NRBF2: variants seen among roughly 807,000 people sequenced by gnomAD.
NRBF2 encodes nuclear receptor-binding factor 2.
A neutral mutation model predicts 28.5 loss-of-function variants in NRBF2; 12 were observed. The ratio of observed to expected loss-of-function variants is 0.42; its 90% CI spans 0.27 to 0.68. The LOEUF is 0.68. Among genes scored for constraint, NRBF2 ranks in the 30% least tolerant of loss-of-function variants. The pLI, the probability that NRBF2 is intolerant of heterozygous loss-of-function variation, is 0.24. For missense variants in NRBF2, 274 were observed against 333.5 expected, an observed-to-expected ratio of 0.82 and a Z score of 1.39; for synonymous variants, 102 against 116.5, an observed-to-expected ratio of 0.88 and a Z score of 0.80.
Position 63,153,984 on chromosome 10 carries a change from A to G in NRBF2, c.630A>G (p.Pro210=). 1 of 1,611,744 alleles carries G rather than the reference A, an allele frequency of 6.2e-7. No individual in the cohort carries two copies. The highest frequency in any genetic ancestry group is 8.5e-7 in the Non-Finnish European group (1 of 1,179,754). Reference sequence around the variant, plus strand: ...AAAAGGCCAGACTTCTAAAAGGTCCAATAGAAAAGGAGCTGGATGTAGATG... The same window carrying G: ...AAAAGGCCAGACTTCTAAAAGGTCCGATAGAAAAGGAGCTGGATGTAGATG... ...KAEKARLLKG[P]IEKELDVDAD... Residue 210 remains proline, a synonymous_variant, in exon 4 of 4, where the codon CCA becomes CCG. Transcript: ENST00000277746.
intron 1 of NRBF2, among the ~76,000 whole-genome samples, chr10:63,133,977 T>TTCCCCCTCCTCACCCTC (rs1841333723): frequency 1.2e-4 from 9 of 72,234 alleles, no homozygotes; most frequent in Non-Finnish European, 1.6e-4. Context: ...TCCTCACCCT[T>TTCCCCCTCCTCACCCTC]CACTTCCCCC....
intron 1 of NRBF2, among the ~76,000 whole-genome samples, chr10:63,135,156 C>A (rs1427227757): frequency 6.6e-6 from 1 of 152,188 alleles, no homozygotes; most frequent in African/African-American, 2.4e-5. Flanking sequence ...CACTGCACTC[C>A]AACCTGGGCG....
chr10:63,145,265 G>A (rs1263711934), intron 1 of NRBF2, among the ~76,000 whole-genome samples: 5 of 152,020 alleles, frequency 3.3e-5, no homozygotes, highest in Admixed American at 1.3e-4. Context: ...CCGCAGAGAC[G>A]GTGTTTCACC....
At chr10:63,140,554 C>T (rs1387275439) in intron 1 of NRBF2, among the ~76,000 whole-genome samples, 2 of 152,040 alleles carry the variant, frequency 1.3e-5, no homozygotes, top group African/African-American at 2.4e-5. Context: ...GCTGGGACTA[C>T]AGGTGTGCAC....
At chr10:63,148,627 A>G (rs1841600269) in intron 2 of NRBF2, among the ~76,000 whole-genome samples, 1 of 152,168 alleles carries the variant, frequency 6.6e-6, no homozygotes, top group Non-Finnish European at 1.5e-5. Context: ...AGACTAAAAA[A>G]CTTACCGTGA....
chr10:63,143,983 C>T (rs1589018878), intron 1 of NRBF2, among the ~76,000 whole-genome samples: 1 of 152,050 alleles, frequency 6.6e-6, no homozygotes, highest in East Asian at 1.9e-4. Context: ...GTCTCAAACT[C>T]TTGAGCTCGA....
intron 1 of NRBF2, among the ~76,000 whole-genome samples, chr10:63,144,333 T>G (rs1841526219): frequency 6.6e-6 from 1 of 152,208 alleles, no homozygotes; most frequent in African/African-American, 2.4e-5. Context: ...GTATAGTATT[T>G]GTCCTTTTAT....
At chr10:63,147,268 T>A (rs193069920) in intron 2 of NRBF2, among the ~76,000 whole-genome samples, 1 of 152,176 alleles carries the variant, frequency 6.6e-6, no homozygotes, top group Non-Finnish European at 1.5e-5. Context: ...GGATAAGTCT[T>A]CTTACTACAG....
At chr10:63,142,799 T>TTTTTTTTTTTTTTTTG in intron 1 of NRBF2, among the ~76,000 whole-genome samples, 1 of 139,916 alleles carries the variant, frequency 7.1e-6, no homozygotes, top group African/African-American at 2.8e-5. Context: ...TTTTTTTTTT[T>TTTTTTTTTTTTTTTTG]TGAGGCTGTC....
intron 2 of NRBF2, among the ~76,000 whole-genome samples, chr10:63,147,503 A>G (rs1200370607): frequency 6.6e-6 from 1 of 151,474 alleles, no homozygotes; most frequent in African/African-American, 2.4e-5. Flanking sequence ...TTGTAGAGAC[A>G]GGGTTTCTCC....
Position 63,141,710 on chromosome 10 carries a change from T to C in NRBF2, c.31-4499T>C, listed in dbSNP as rs568105001. ...TTAGAGATGAGAAAACTGAGGCAGA[T>C]AATTGGGAAAGCCGGGCTTATGTGT... On this transcript the variant is annotated intron_variant, in intron 1 of 3. Coordinates refer to ENST00000277746, the MANE Select transcript of NRBF2 (RefSeq NM_030759.5). Among the ~76,000 whole-genome samples, 3 of 152,284 alleles carry C rather than the reference T, an allele frequency of 2.0e-5. No homozygotes were observed. The South Asian group carries it at 6.2e-4, about 32-fold the overall frequency.
chr10:63,147,378 G>A (rs1841578384), intron 2 of NRBF2, among the ~76,000 whole-genome samples: 1 of 151,122 alleles, frequency 6.6e-6, no homozygotes, highest in African/African-American at 2.4e-5. Context: ...GGAGTGCAGT[G>A]GCACCGTCTC....
chr10:63,147,889 G>C (rs373747277), intron 2 of NRBF2, among the ~76,000 whole-genome samples: 9 of 151,988 alleles, frequency 5.9e-5, no homozygotes, highest in Non-Finnish European at 1.2e-4. Context: ...AGAGGGCTTT[G>C]TACAGTATTA....
Position 63,142,293 on chromosome 10 carries a change from G to GTTT in NRBF2, c.31-3910_31-3908dup, listed in dbSNP as rs1261835924. On this transcript the variant is annotated intron_variant, in intron 1 of 3. Transcript: ENST00000277746. ...CCAAACCTCCTGAATCAGAACCTTT[G>GTTT]TTTTTTTTGTTTTTTTTGTTTTTTT... Among the ~76,000 whole-genome samples the GTTT allele has an allele frequency of 2.0e-3, 268 of 135,526 alleles. 8 individuals are homozygous for GTTT. The highest frequency in any genetic ancestry group is 0.019 in the East Asian group (81 of 4,318). The allele number at this position is 135,526 out of a possible 152,430, so 88.9% of individuals were successfully genotyped here.
intron 2 of NRBF2, among the ~76,000 whole-genome samples, chr10:63,149,554 TGA>T (rs1385493871): frequency 2.0e-5 from 3 of 152,238 alleles, no homozygotes; most frequent in African/African-American, 7.2e-5. Flanking sequence ...GTTTCTATTG[TGA>T]GTCTGTGGAA....
At chr10:63,152,235 T>G in intron 3 of NRBF2, 45 bp downstream of exon 3, 1 of 1,461,970 alleles carries the variant, frequency 6.8e-7, no homozygotes, top group Non-Finnish European at 9.6e-7. Context: ...AGAAAGGTTT[T>G]CTTGTGGAGG....
intron 1 of NRBF2, among the ~76,000 whole-genome samples, chr10:63,135,522 A>G (rs1361723925): frequency 6.6e-6 from 1 of 152,196 alleles, no homozygotes; most frequent in Non-Finnish European, 1.5e-5. Flanking sequence ...TGGCAATACC[A>G]TTTAAATTCT....
chr10:63,146,438 G>A (rs1009274174), intron 2 of NRBF2, 145 bp downstream of exon 2: 6 of 576,866 alleles, frequency 1.0e-5, no homozygotes, highest in African/African-American at 1.9e-5. Flanking sequence ...TAAGTGTGTT[G>A]GATTTCCCAG....
chr10:63,133,626 CTG>C, intron 1 of NRBF2, 126 bp downstream of exon 1: 1 of 726,004 alleles, frequency 1.4e-6, no homozygotes, highest in Non-Finnish European at 2.4e-6. Flanking sequence ...GTCGCAGAGG[CTG>C]TGAGGGGCTG....
Sources: gnomAD v4.1 joint callset for allele counts (sites outside exome capture counted in the v4.1 genomes callset) on GRCh38, gnomAD v4.1.1 for gene constraint, MANE v1.5 for transcripts, NCBI Gene and HGNC (gene_info 2026-07-23, HGNC 2026-07-21) for gene names.